The following PUM1 variants were observed in gnomAD, a reference collection of about 807,000 sequenced individuals.
The protein encoded by PUM1 is pumilio RNA binding family member 1.
A neutral mutation model predicts 131.8 loss-of-function variants in PUM1; 13 were observed. The ratio of observed to expected loss-of-function variants is 0.10; its 90% CI spans 0.06 to 0.16. The LOEUF (loss-of-function observed/expected upper bound fraction) is 0.16. PUM1 is among the 10% of genes least tolerant of loss of function. The pLI is 1.00. For missense variants in PUM1, 961 were observed against 1,512.4 expected (o/e 0.64, Z 6.05); for synonymous variants, 509 against 556.5 (o/e 0.91, Z 1.20).
chr1:31,025,712 C>T (rs1404560809), intron 3 of PUM1, among the ~76,000 whole-genome samples: 1 of 151,804 alleles, frequency 6.6e-6, no homozygotes, highest in Non-Finnish European at 1.5e-5. Context: ...CACACCATCA[C>T]GCCCAGCTAA....
At chr1:31,032,866 G>C (rs1643480380) in intron 2 of PUM1, among the ~76,000 whole-genome samples, 4 of 152,110 alleles carry the variant, frequency 2.6e-5, no homozygotes, top group Non-Finnish European at 5.9e-5. Context: ...AGCACTTTGG[G>C]AGGCTAAGGC....
intron 20 of PUM1, among the ~76,000 whole-genome samples, chr1:30,938,539 T>C (rs960837320): frequency 2.6e-5 from 4 of 152,000 alleles, no homozygotes; most frequent in African/African-American, 9.7e-5. Flanking sequence ...AGGTATGAGC[T>C]ACCGTCTCCA....
chr1:30,972,555 C>G (rs1640959536), intron 10 of PUM1, among the ~76,000 whole-genome samples: 2 of 148,792 alleles, frequency 1.3e-5, no homozygotes, highest in Non-Finnish European at 3.0e-5. Context: ...GGGTGGATCA[C>G]TGAAGGTCAA....
At chr1:31,022,333 G>C (rs1286102180) in intron 3 of PUM1, among the ~76,000 whole-genome samples, 1 of 152,196 alleles carries the variant, frequency 6.6e-6, no homozygotes, top group Non-Finnish European at 1.5e-5. Flanking sequence ...AGCCAAAGGA[G>C]GTTGATGAAA....
At chr1:31,022,922 G>A (rs1394367096) in intron 3 of PUM1, among the ~76,000 whole-genome samples, 2 of 152,000 alleles carry the variant, frequency 1.3e-5, no homozygotes, top group African/African-American at 4.8e-5. Context: ...CAATCCCAGC[G>A]CTTTGGGAGG....
At chr1:30,963,333 C>G (rs141250671) in intron 14 of PUM1, among the ~76,000 whole-genome samples, 83 of 152,246 alleles carry the variant, frequency 5.5e-4, no homozygotes, top group African/African-American at 1.9e-3. Context: ...GTGCAATGTA[C>G]CCCATCCCCC....
chr1:31,056,793 A>AT (rs1193726884), intron 2 of PUM1, among the ~76,000 whole-genome samples: 1 of 150,842 alleles, frequency 6.6e-6, no homozygotes, highest in Non-Finnish European at 1.5e-5. Context: ...CGCCCAGCTA[A>AT]TTTTTTACTT....
intron 1 of PUM1, among the ~76,000 whole-genome samples, chr1:31,062,490 C>A (rs1644390524): frequency 6.6e-6 from 1 of 151,826 alleles, no homozygotes; most frequent in Non-Finnish European, 1.5e-5. Flanking sequence ...TGTGGTGGCA[C>A]GCACCTGTAG....
intron 3 of PUM1, among the ~76,000 whole-genome samples, chr1:31,026,005 C>A (rs1218654987): frequency 6.6e-6 from 1 of 152,128 alleles, no homozygotes; most frequent in Non-Finnish European, 1.5e-5. Context: ...GTAATCCTAG[C>A]ACTTTGGGAG....
At chr1:31,062,717 C>A (rs1178272525) in intron 1 of PUM1, among the ~76,000 whole-genome samples, 1 of 151,984 alleles carries the variant, frequency 6.6e-6, no homozygotes, top group Admixed American at 6.6e-5. Flanking sequence ...ATCGGCCTAA[C>A]AGTCTACTGC....
chr1:30,974,888 T>G, intron 9 of PUM1, 86 bp from the exon 10 acceptor site: 1 of 999,764 alleles, frequency 1.0e-6, no homozygotes, highest in South Asian at 1.8e-5. Context: ...ACTCAATAGA[T>G]CCTACTGTAA....
chr1:30,974,233 A>G (rs1641047184), intron 10 of PUM1, among the ~76,000 whole-genome samples: 1 of 152,234 alleles, frequency 6.6e-6, no homozygotes, highest in Non-Finnish European at 1.5e-5. Context: ...TTTACATCCA[A>G]TCCAATCCAA....
intron 1 of PUM1, among the ~76,000 whole-genome samples, 176 bp from the exon 2 acceptor site, chr1:31,059,753 T>C (rs774636568): frequency 6.6e-5 from 10 of 152,188 alleles, no homozygotes; most frequent in Non-Finnish European, 1.5e-4. Flanking sequence ...AAGTTTATGT[T>C]GTTAACCAAC....
At chr1:31,065,539 A>C in intron 1 of PUM1, 77 bp downstream of exon 1, 1 of 1,513,216 alleles carries the variant, frequency 6.6e-7, no homozygotes, top group Non-Finnish European at 8.8e-7. Context: ...ACCACTCTCA[A>C]ACACCAATAT....
chr1:31,004,189 G>A (rs1184545035), intron 5 of PUM1, among the ~76,000 whole-genome samples: 2 of 152,202 alleles, frequency 1.3e-5, no homozygotes, highest in Admixed American at 6.5e-5. Flanking sequence ...TGAGATGACT[G>A]TTTAAAGAGA....
intron 3 of PUM1, among the ~76,000 whole-genome samples, chr1:31,027,823 T>C (rs1228095452): frequency 6.6e-6 from 1 of 152,148 alleles, no homozygotes; most frequent in Non-Finnish European, 1.5e-5. Flanking sequence ...ATTTGCTGAA[T>C]CAAAGAACAA....
chr1:31,008,124 A>C (rs1642461101), intron 3 of PUM1, among the ~76,000 whole-genome samples: 1 of 152,230 alleles, frequency 6.6e-6, no homozygotes, highest in Non-Finnish European at 1.5e-5. Context: ...ACCAGAAAGC[A>C]CAAAACATTT....
At position 31,043,409 on chromosome 1, in the gene PUM1, G is replaced by A. The variant is rs1217296009; in HGVS notation, c.364-14545C>T. Among the ~76,000 whole-genome samples the A allele has an allele frequency of 2.7e-5, 4 of 150,110 alleles. No individual in the cohort carries two copies. In the East Asian group the frequency reaches 6.0e-4, roughly 22 times the overall value. ...GTATTTTTGTATTTTTGTAGAGATG[G>A]GGGTTTCACCATGTTGGTCAGGCTG... is the stretch of plus-strand genomic sequence containing the variant. On this transcript the variant is annotated intron_variant, in intron 2 of 21. Transcript: ENST00000426105.
At chr1:31,048,603 T>C (rs1480468821) in intron 2 of PUM1, among the ~76,000 whole-genome samples, 1 of 151,800 alleles carries the variant, frequency 6.6e-6, no homozygotes, top group Non-Finnish European at 1.5e-5. Flanking sequence ...GCCTCCCAAG[T>C]AGCTGGGACT....
Sources: allele counts gnomAD v4.1 joint callset (sites outside exome capture counted in the v4.1 genomes callset), GRCh38; gene constraint gnomAD v4.1.1; transcripts MANE v1.5; gene names NCBI Gene and HGNC (gene_info 2026-07-23, HGNC 2026-07-21).